Variants in KIRREL3 observed in about 807,000 individuals in gnomAD.
KIRREL3 encodes kin of IRRE-like protein 3.
Under a neutral mutation model 89.7 loss-of-function variants are expected in KIRREL3, and 36 were observed. That is an observed-to-expected ratio of 0.40 (90% CI 0.31 to 0.53). The LOEUF (loss-of-function observed/expected upper bound fraction) is 0.53, where lower values mean the gene tolerates loss of function less well. Ranked by LOEUF, KIRREL3 falls within the 20% of genes least tolerant of loss-of-function variation. The pLI, the probability that KIRREL3 is intolerant of heterozygous loss-of-function variation, is 0.49. For missense variants in KIRREL3, 864 were observed against 1,056.6 expected (o/e 0.82, Z 2.53); for synonymous variants, 445 against 441.4 (o/e 1.01, Z -0.10).
chr11:126,424,970 G>A lies in KIRREL3; in HGVS notation c.1947C>T (p.Thr649=), dbSNP rs779870824. 2 of 1,579,282 alleles carry A rather than the reference G, an allele frequency of 1.3e-6. No individual in the cohort carries two copies. The highest frequency in any genetic ancestry group is 1.7e-6 in the Non-Finnish European group (2 of 1,160,736). The change falls in exon 17 of 17, where the codon ACC becomes ACT. Residue 649 remains threonine (T), a synonymous_variant. Coordinates refer to ENST00000525144, the MANE Select transcript of KIRREL3 (RefSeq NM_032531.4). ...SVNTFKEHHS[T]PTISLSSCQP... The stretch of plus-strand genomic sequence containing the variant: ...GGCAGCTGGAGAGGGAGATGGTCGG[G>A]GTTGAGTGGTGCTCTTTGAAGGTGT...
rs34667822 is a variant in KIRREL3 at position 126,994,052 on chromosome 11, C to CA, written c.55+6402dup. On this transcript the variant is annotated intron_variant, in intron 1 of 16. Coordinates refer to ENST00000525144, the MANE Select transcript of KIRREL3 (RefSeq NM_032531.4). This position sits in a 1 kb window ranked among gnomAD's most constrained non-coding sequence, Gnocchi z 5.2. ...CCATTGCAGTTTTAGTTTCAATTATCAAAAAAAAAAAATCAGCCTCAGATA... is the reference window on the plus strand; with the variant it reads ...CCATTGCAGTTTTAGTTTCAATTATCAAAAAAAAAAAAATCAGCCTCAGATA... 6.5e-3 allele frequency among the ~76,000 whole-genome samples: 949 copies of CA among 144,932 alleles called. 11 individuals carry two copies. The highest frequency in any genetic ancestry group is 4.2e-3 in the East Asian group (21 of 4,996).
At chr11:127,001,773 G>A (rs151104027), upstream of KIRREL3, among the ~76,000 whole-genome samples, 16 of 151,566 alleles carry the variant, frequency 1.1e-4, no homozygotes, top group East Asian at 3.1e-3. Context: ...CAAAATAATA[G>A]GCACAGACCA....
chr11:126,859,889 A>G (rs1387877935), intron 1 of KIRREL3, among the ~76,000 whole-genome samples: 3 of 151,510 alleles, frequency 2.0e-5, no homozygotes, highest in Non-Finnish European at 4.4e-5. Context: ...GCAACATATC[A>G]CTCCTTCCTA....
At position 126,651,527 on chromosome 11, in the gene KIRREL3, A is replaced by C. The variant is rs1944907183; in HGVS notation, c.56-88615T>G. Among the ~76,000 whole-genome samples, 1 of 152,220 alleles carries C rather than the reference A, an allele frequency of 6.6e-6. No homozygotes were observed. Among genetic ancestry groups the C allele is most frequent in the Non-Finnish European group, 1.5e-5 (1 of 68,044 alleles). On this transcript the variant is annotated intron_variant, in intron 1 of 16. Coordinates refer to ENST00000525144, the MANE Select transcript of KIRREL3 (RefSeq NM_032531.4). This position sits in a 1 kb window ranked among gnomAD's most constrained non-coding sequence, Gnocchi z 4.6. The stretch of plus-strand genomic sequence containing the variant: ...CCTGGAGCCTAACTGGATCTTGGGA[A>C]TAAATCTCTTATTTTGGTAGCACTT...
chr11:126,852,316 C>T (rs1015215428), intron 1 of KIRREL3, among the ~76,000 whole-genome samples: 4 of 152,240 alleles, frequency 2.6e-5, no homozygotes, highest in Admixed American at 2.0e-4. Flanking sequence ...CCTCCCAAAG[C>T]ACTGGGATTA....
Position 126,645,114 on chromosome 11 carries a change from T to C in KIRREL3, c.56-82202A>G, listed in dbSNP as rs1944615343. 6.6e-6 allele frequency among the ~76,000 whole-genome samples: 1 copy of C among 152,118 alleles called. No homozygotes were observed. The highest frequency in any genetic ancestry group is 2.4e-5 in the African/African-American group (1 of 41,410). On this transcript the variant is annotated intron_variant, in intron 1 of 16. Coordinates refer to ENST00000525144, the MANE Select transcript of KIRREL3 (RefSeq NM_032531.4). This position sits in a 1 kb window ranked among gnomAD's most constrained non-coding sequence, Gnocchi z 4.9. ...AAGTGAACACAGCATATTCTGAATA[T>C]ATCGCAAGAGGGGTGCAGACTGGGC...
chr11:126,844,621 T>C lies in KIRREL3; in HGVS notation c.55+155834A>G, dbSNP rs912870626. ...ACCGAACTTGAGTTTGAGGCCCAAC[T>C]TAGGAAGGTTAGAGTCCTTCCTAAG... On this transcript the variant is annotated intron_variant, in intron 1 of 16. Coordinates refer to ENST00000525144, the MANE Select transcript of KIRREL3 (RefSeq NM_032531.4). This position sits in a 1 kb window ranked among gnomAD's most constrained non-coding sequence, Gnocchi z 4.8. 2.0e-5 allele frequency among the ~76,000 whole-genome samples: 3 copies of C among 152,134 alleles called. No homozygotes were observed. Among genetic ancestry groups the C allele is most frequent in the Non-Finnish European group, 2.9e-5 (2 of 68,004 alleles).
intron 1 of KIRREL3, among the ~76,000 whole-genome samples, chr11:126,937,882 G>A (rs1592413179): frequency 6.6e-6 from 1 of 152,260 alleles, no homozygotes; most frequent in East Asian, 1.9e-4. Context: ...CTGGGCGACA[G>A]AGCGAGACTC....
rs1555090325 is a variant in KIRREL3 at position 126,923,187 on chromosome 11, C to CTTCTCTTCTTCTTCTTCTACTTCTTCT, written c.55+77267_55+77268insAGAAGAAGTAGAAGAAGAAGAAGAGAA. On this transcript the variant is annotated intron_variant, in intron 1 of 16. Transcript: ENST00000525144. ...TTCTTCTTCTTCTTCTCTTCTTCTTCTCTTCTTCTTCTTCTTCTTCTTCTT... is the reference window on the plus strand; with the variant it reads ...TTCTTCTTCTTCTTCTCTTCTTCTTCTTCTCTTCTTCTTCTTCTACTTCTTCTTCTTCTTCTTCTTCTTCTTCTTCTT... 2.9e-4 allele frequency among the ~76,000 whole-genome samples: 7 copies of CTTCTCTTCTTCTTCTTCTACTTCTTCT among 23,816 alleles called. 2 individuals are homozygous for CTTCTCTTCTTCTTCTTCTACTTCTTCT. The highest frequency in any genetic ancestry group is 1.4e-3 in the African/African-American group (6 of 4,268). The allele number at this position is 23,816 out of a possible 152,430, so 15.6% of individuals were successfully genotyped here.
At position 126,428,378 on chromosome 11, in the gene KIRREL3, G is replaced by A. The variant is rs192315182; in HGVS notation, c.1806+801C>T. Among the ~76,000 whole-genome samples the A allele has an allele frequency of 1.3e-5, 2 of 152,304 alleles. No homozygotes were observed. Among genetic ancestry groups the A allele is most frequent in the African/African-American group, 2.4e-5 (1 of 41,568 alleles). ...ATGGCCCATAAATGGGGATTCGGAA[G>A]AGGAGGAGCAGGCTTGATGTGCCTG... On this transcript the variant is annotated intron_variant, in intron 15 of 16. Coordinates refer to ENST00000525144, the MANE Select transcript of KIRREL3 (RefSeq NM_032531.4). The surrounding 1 kb of genome is among the most constrained non-coding windows in gnomAD (Gnocchi z 6.4).
At chr11:126,451,113 A>G (rs1956103049) in intron 7 of KIRREL3, among the ~76,000 whole-genome samples, 1 of 142,798 alleles carries the variant, frequency 7.0e-6, no homozygotes, top group South Asian at 2.2e-4. Flanking sequence ...GCATGTGTGC[A>G]TGTGTGTGTG....
Position 126,724,927 on chromosome 11 carries a change from G to A in KIRREL3, c.56-162015C>T, listed in dbSNP as rs951484770. Among the ~76,000 whole-genome samples, 3 of 152,324 alleles carry A rather than the reference G, an allele frequency of 2.0e-5. No homozygotes were observed. In the South Asian group the frequency reaches 6.2e-4, roughly 32 times the overall value. Reference sequence around the variant, plus strand: ...AGTATTTATTGTACCTTGACTTTGTGTCAGGTAGTGTGCTAGGTGCAGGAG... The same window carrying A: ...AGTATTTATTGTACCTTGACTTTGTATCAGGTAGTGTGCTAGGTGCAGGAG... On this transcript the variant is annotated intron_variant, in intron 1 of 16. Coordinates refer to ENST00000525144, the MANE Select transcript of KIRREL3 (RefSeq NM_032531.4). The surrounding 1 kb of genome is among the most constrained non-coding windows in gnomAD (Gnocchi z 4.3).
intron 1 of KIRREL3, among the ~76,000 whole-genome samples, chr11:126,756,090 AT>A (rs1287776999): frequency 1.3e-5 from 2 of 152,208 alleles, no homozygotes; most frequent in Admixed American, 1.3e-4. Context: ...TTAATCACCG[AT>A]TATGTATTTG....
At position 126,719,068 on chromosome 11, in the gene KIRREL3, AC is replaced by A. The variant is rs1248777017; in HGVS notation, c.56-156157del. Among the ~76,000 whole-genome samples, 1 of 151,970 alleles carries A rather than the reference AC, an allele frequency of 6.6e-6. No homozygotes were observed. ...CTCATGTTTGTTTTCCTCCTGCTAT[AC>A]CTCCTTTGCTGTGTTCTCTTTTACA... On this transcript the variant is annotated intron_variant, in intron 1 of 16. Transcript: ENST00000525144. The surrounding 1 kb of genome is among the most constrained non-coding windows in gnomAD (Gnocchi z 4.7).
At chr11:126,819,753 T>C (rs1290438570) in intron 1 of KIRREL3, among the ~76,000 whole-genome samples, 1 of 152,242 alleles carries the variant, frequency 6.6e-6, no homozygotes, top group Non-Finnish European at 1.5e-5. Flanking sequence ...AATCTGCCAA[T>C]GTACTTATAG....
rs1956599424 is a variant in KIRREL3 at position 126,463,056 on chromosome 11, C to T, written c.742+101G>A. ...CTGGCCAATCCACAGAGCTGCCTGA[C>T]CCATTTCCTGCTATCAGATGGGCCA... On this transcript the variant is annotated intron_variant, in intron 6 of 16. Transcript: ENST00000525144. The surrounding 1 kb of genome is among the most constrained non-coding windows in gnomAD (Gnocchi z 5.9). The T allele has an allele frequency of 8.5e-7, 1 of 1,176,592 alleles. No individual in the cohort carries two copies. The highest frequency in any genetic ancestry group is 1.2e-6 in the Non-Finnish European group (1 of 816,454). 72.9% of individuals were successfully genotyped at this position (1,176,592 alleles called of 1,614,324 possible). A position where few individuals can be genotyped will look rare whatever the true frequency, so the allele number is the denominator to read the frequency against.
chr11:126,520,447 C>T lies in KIRREL3; in HGVS notation c.433+868G>A, dbSNP rs73013489. On this transcript the variant is annotated intron_variant, in intron 4 of 16. Transcript: ENST00000525144. This position sits in a 1 kb window ranked among gnomAD's most constrained non-coding sequence, Gnocchi z 4.9. ...TCTGGGGTAACAGTCCCTGTCCCAC[C>T]GAGCAGCGTCAGGAACAGCGGAGGT... Among the ~76,000 whole-genome samples the T allele has an allele frequency of 4.2e-3, 642 of 152,266 alleles. 4 individuals carry two copies. Among genetic ancestry groups the T allele is most frequent in the Non-Finnish European group, 7.2e-3 (491 of 68,014 alleles).
rs1488951409 is a variant in KIRREL3 at position 126,918,561 on chromosome 11, C to T, written c.55+81894G>A. On this transcript the variant is annotated intron_variant, in intron 1 of 16. Coordinates refer to ENST00000525144, the MANE Select transcript of KIRREL3 (RefSeq NM_032531.4). This position sits in a 1 kb window ranked among gnomAD's most constrained non-coding sequence, Gnocchi z 6.5. ...CATAAACATTCTTCACCATCATCCA[C>T]TCATGACATAGGTTAGGTACATTTA... Among the ~76,000 whole-genome samples, 1 of 152,186 alleles carries T rather than the reference C, an allele frequency of 6.6e-6. No homozygotes were observed. The highest frequency in any genetic ancestry group is 2.4e-5 in the African/African-American group (1 of 41,446).
chr11:126,936,555 C>CAAAAAAAAAAAAAAAAAAAAAAAAA, intron 1 of KIRREL3: 1 of 97,830 alleles, frequency 1.0e-5, no homozygotes, highest in Non-Finnish European at 2.2e-5. Context: ...TGCTATTCAG[C>CAAAAAAAAAAAAAAAAAAAAAAAAA]AAAAAAAAAA....
Sources: gnomAD v4.1 joint callset for allele counts (sites outside exome capture counted in the v4.1 genomes callset) on GRCh38, gnomAD v4.1.1 for gene constraint, Gnocchi (gnomAD v3.1) non-coding constraint, MANE v1.5 for transcripts, NCBI Gene and HGNC (gene_info 2026-07-23, HGNC 2026-07-21) for gene names.